PLPPR1: variants seen among roughly 807,000 people sequenced by gnomAD.
PLPPR1 encodes the protein phospholipid phosphatase-related protein type 1.
PLPPR1 carries 10 observed loss-of-function variants against 33.1 expected under a neutral mutation model. That is an observed-to-expected ratio of 0.30 (90% CI 0.19 to 0.51). The LOEUF is 0.51. PLPPR1 is among the 20% of genes least tolerant of loss of function. The probability of loss-of-function intolerance (pLI) is 0.97; values close to 1 mark genes in which losing one functional copy is unlikely to be tolerated. For synonymous variants in PLPPR1, 151 were observed against 151.0 expected (o/e 1.00, Z 0.00); for missense variants, 304 against 408.1 (o/e 0.74, Z 2.20).
intron 1 of PLPPR1, among the ~76,000 whole-genome samples, chr9:101,079,581 GC>G (rs1830592128): frequency 9.1e-6 from 1 of 109,646 alleles, no homozygotes. Flanking sequence ...CATTTTGATT[GC>G]CTTTTTTTTT....
At chr9:101,224,767 A>C (rs1827027118) in intron 2 of PLPPR1, among the ~76,000 whole-genome samples, 1 of 152,096 alleles carries the variant, frequency 6.6e-6, no homozygotes, top group Non-Finnish European at 1.5e-5. Flanking sequence ...GCACATCCCA[A>C]AGCTACGCAC....
intron 1 of PLPPR1, among the ~76,000 whole-genome samples, chr9:101,131,351 G>A (rs1163546885): frequency 6.6e-6 from 1 of 152,146 alleles, no homozygotes; most frequent in Non-Finnish European, 1.5e-5. Flanking sequence ...AGCTAAAGCA[G>A]TATTTTTGTT....
At chr9:101,055,395 A>G (rs1421096103) in intron 1 of PLPPR1, among the ~76,000 whole-genome samples, 2 of 152,224 alleles carry the variant, frequency 1.3e-5, no homozygotes, top group Middle Eastern at 3.2e-3. Flanking sequence ...CTTACCTTTA[A>G]GTCTCCAGCT....
chr9:101,305,486 T>G (rs561240894), intron 4 of PLPPR1, among the ~76,000 whole-genome samples: 1 of 152,262 alleles, frequency 6.6e-6, no homozygotes, highest in East Asian at 1.9e-4. Flanking sequence ...ACATTTGGCC[T>G]TCAGTTTTGA....
rs535359074 is a variant in PLPPR1, at chr9:101,216,488, C to T, written c.63+30931C>T. ...TCTCCCGTTCTGAATGTTGTCTCTT[C>T]ATTTTGCTGATTGATTCCTTTGCTA... On this transcript the variant is annotated intron_variant, in intron 2 of 7. Transcript: ENST00000374874. 2.0e-5 allele frequency among the ~76,000 whole-genome samples: 3 copies of T among 152,244 alleles called. No homozygotes were observed. In the East Asian group the frequency reaches 5.8e-4, roughly 29 times the overall value.
At chr9:101,198,380 T>C (rs1158027680) in intron 2 of PLPPR1, among the ~76,000 whole-genome samples, 1 of 152,202 alleles carries the variant, frequency 6.6e-6, no homozygotes, top group Non-Finnish European at 1.5e-5. Context: ...AGAGGTTAAG[T>C]AACTTGTCTA....
At chr9:101,108,935 C>T (rs1218176467) in intron 1 of PLPPR1, among the ~76,000 whole-genome samples, 2 of 149,994 alleles carry the variant, frequency 1.3e-5, no homozygotes, top group African/African-American at 4.9e-5. Flanking sequence ...CCCACATAAG[C>T]AAAAGCTCTT....
At chr9:101,177,762 AT>A (rs111765758) in intron 1 of PLPPR1, among the ~76,000 whole-genome samples, 32,432 of 151,776 alleles carry the variant, frequency 0.21, 3,876 homozygotes, top group African/African-American at 0.33. Context: ...GACTATACCC[AT>A]TTTTTCTATT....
At chr9:101,206,682 T>A (rs1196568459) in intron 2 of PLPPR1, among the ~76,000 whole-genome samples, 1 of 152,172 alleles carries the variant, frequency 6.6e-6, no homozygotes, top group Non-Finnish European at 1.5e-5. Flanking sequence ...AGCTCCCAAC[T>A]ACAACACCTA....
intron 7 of PLPPR1, among the ~76,000 whole-genome samples, chr9:101,321,883 CCTTA>C (rs202081895): frequency 0.042 from 6,264 of 147,754 alleles, 178 homozygotes; most frequent in South Asian, 0.12. Flanking sequence ...AAACCTGGTG[CCTTA>C]CTTTCTTCAT....
intron 2 of PLPPR1, among the ~76,000 whole-genome samples, chr9:101,261,951 G>A (rs149097905): frequency 6.6e-6 from 1 of 151,344 alleles, no homozygotes; most frequent in Non-Finnish European, 1.5e-5. Context: ...TAACAAACCC[G>A]TACATCCTGC....
chr9:101,062,781 C>T (rs1214919037), intron 1 of PLPPR1, among the ~76,000 whole-genome samples: 1 of 151,598 alleles, frequency 6.6e-6, no homozygotes, highest in East Asian at 2.0e-4. Flanking sequence ...AAATAATAGG[C>T]TCTATGTTAT....
intron 1 of PLPPR1, among the ~76,000 whole-genome samples, chr9:101,124,383 A>C (rs572052975): frequency 6.6e-6 from 1 of 152,272 alleles, no homozygotes; most frequent in South Asian, 2.1e-4. Flanking sequence ...TCAGTCAGAA[A>C]GCATTGGTCC....
intron 1 of PLPPR1, among the ~76,000 whole-genome samples, chr9:101,174,927 C>T (rs891129065): frequency 6.6e-6 from 1 of 152,136 alleles, no homozygotes; most frequent in African/African-American, 2.4e-5. Flanking sequence ...GTGGAAATAA[C>T]CAATTCTGTA....
At chr9:101,100,152 A>C (rs1830879912) in intron 1 of PLPPR1, among the ~76,000 whole-genome samples, 1 of 152,092 alleles carries the variant, frequency 6.6e-6, no homozygotes, top group Non-Finnish European at 1.5e-5. Context: ...AAATTTACAA[A>C]AAAAAATGAG....
rs575417040 is a variant in PLPPR1, at chr9:101,085,689, T to C, written c.-46+56587T>C. On this transcript the variant is annotated intron_variant, in intron 1 of 7. Coordinates refer to ENST00000374874, the MANE Select transcript of PLPPR1 (RefSeq NM_207299.2). ...GAAAGTTTTTAGAAAATGGATCCCG[T>C]TATTCCTCAGTAGGTCAAAGACAGG... 2.0e-5 allele frequency among the ~76,000 whole-genome samples: 3 copies of C among 152,326 alleles called. No homozygotes were observed. The East Asian group carries it at 5.8e-4, about 29-fold the overall frequency.
At chr9:101,323,470 A>C (rs200595003) in intron 7 of PLPPR1, among the ~76,000 whole-genome samples, 1 of 55,780 alleles carries the variant, frequency 1.8e-5, no homozygotes, top group Non-Finnish European at 3.3e-5. Flanking sequence ...ACCCTGTCTC[A>C]AAAAAAAAAA....
chr9:101,299,010 C>T (rs1040727830), intron 4 of PLPPR1, among the ~76,000 whole-genome samples: 2 of 152,054 alleles, frequency 1.3e-5, no homozygotes, highest in Non-Finnish European at 2.9e-5. Context: ...ATGTGCTGAC[C>T]GAGAAGTTCA....
intron 4 of PLPPR1, among the ~76,000 whole-genome samples, chr9:101,290,513 C>T (rs113681032): frequency 1.3e-5 from 2 of 152,142 alleles, no homozygotes; most frequent in South Asian, 2.1e-4. Context: ...GATATTTAAC[C>T]CTTTCTGCAT....
Sources: gnomAD v4.1 joint callset for allele counts (sites outside exome capture counted in the v4.1 genomes callset) on GRCh38, gnomAD v4.1.1 for gene constraint, MANE v1.5 for transcripts, NCBI Gene and HGNC (gene_info 2026-07-23, HGNC 2026-07-21) for gene names.